PUDP: variants seen among roughly 807,000 people sequenced by gnomAD.
PUDP encodes the protein pseudouridine-5'-phosphatase.
A neutral mutation model predicts 9.4 loss-of-function variants in PUDP; 8 were observed. The observed-to-expected ratio is 0.85, with a 90% confidence interval of 0.50 to 1.53. The LOEUF is 1.53. Ranked by LOEUF, PUDP falls within the 40% of genes most tolerant of loss-of-function variation. PUDP has a pLI of 0.00. For missense variants in PUDP, 188 were observed against 189.7 expected (o/e 0.99, Z 0.05); for synonymous variants, 99 against 80.7 (o/e 1.23, Z -1.22).
intron 3 of PUDP, among the ~76,000 whole-genome samples, chrX:6,973,159 C>T (rs865997580): frequency 8.9e-6 from 1 of 111,756 alleles, no homozygotes; most frequent in South Asian, 3.7e-4. Context: ...AAAAAACAAG[C>T]TCCTGGATTC....
chrX:7,116,435 G>A (rs780058174), intron 1 of PUDP, among the ~76,000 whole-genome samples: 2 of 111,650 alleles, frequency 1.8e-5, no homozygotes, highest in Non-Finnish European at 3.8e-5. Flanking sequence ...CCTGCCTCCT[G>A]GTTTCTTCCC....
At chrX:7,021,252 T>G (rs887666474) in intron 1 of PUDP, among the ~76,000 whole-genome samples, 22 of 112,263 alleles carry the variant, frequency 2.0e-4, no homozygotes, top group Non-Finnish European at 3.9e-4. Flanking sequence ...GGAAAGTTAT[T>G]TTTGCTTTGG....
At chrX:6,950,539 T>G (rs1426656146) in intron 3 of PUDP, among the ~76,000 whole-genome samples, 1 of 99,474 alleles carries the variant, frequency 1.0e-5, no homozygotes, top group East Asian at 3.3e-4. Context: ...GCCTCCAGAG[T>G]AGCTGGGACT....
chrX:6,803,188 C>T (rs768285308), intron 3 of PUDP, among the ~76,000 whole-genome samples: 1 of 110,790 alleles, frequency 9.0e-6, no homozygotes, highest in Non-Finnish European at 1.9e-5. Context: ...TCAGAGGCCA[C>T]GACGAGACCC....
chrX:6,784,076 C>T (rs1355548440), intron 3 of PUDP, among the ~76,000 whole-genome samples: 2 of 111,520 alleles, frequency 1.8e-5, no homozygotes, highest in African/African-American at 3.3e-5. Context: ...CTTCTGGAAG[C>T]GCAGACACAC....
intron 3 of PUDP, among the ~76,000 whole-genome samples, chrX:6,971,853 A>G (rs1349777788): frequency 8.9e-6 from 1 of 111,856 alleles, no homozygotes; most frequent in African/African-American, 3.3e-5. Context: ...ATGAGCATGG[A>G]ATGTTTTTCC....
intron 2 of PUDP, chrX:7,085,522 C>T (rs754850060): frequency 8.9e-6 from 1 of 111,940 alleles, no homozygotes; most frequent in African/African-American, 3.2e-5. Flanking sequence ...CAAACAGGCA[C>T]CTGGGATTCC....
At chrX:7,105,904 C>T (rs1181301252) in intron 1 of PUDP, 66 bp from the exon 2 acceptor site, 37 of 745,134 alleles carry the variant, frequency 5.0e-5, no homozygotes, top group Non-Finnish European at 6.7e-5. Context: ...GTATCAGGTC[C>T]GCATAAACAT....
chrX:6,961,827 G>A (rs1393187499), intron 3 of PUDP, among the ~76,000 whole-genome samples: 1 of 111,699 alleles, frequency 9.0e-6, no homozygotes, highest in African/African-American at 3.3e-5. Flanking sequence ...CCATATCCGT[G>A]CATGGTCTTT....
At chrX:7,004,029 C>T (rs1479033860) in intron 1 of PUDP, among the ~76,000 whole-genome samples, 2 of 110,379 alleles carry the variant, frequency 1.8e-5, no homozygotes, top group South Asian at 3.9e-4. Context: ...GCACACACCA[C>T]CACGCACGCT....
chrX:7,019,555 A>C (rs1425376104), intron 1 of PUDP, among the ~76,000 whole-genome samples: 2 of 111,665 alleles, frequency 1.8e-5, no homozygotes, highest in Non-Finnish European at 3.8e-5. Context: ...AAGGTCTGAA[A>C]GAAACATTTG....
intron 1 of PUDP, among the ~76,000 whole-genome samples, chrX:6,981,644 G>A (rs1929034415): frequency 9.0e-6 from 1 of 111,296 alleles, no homozygotes; most frequent in African/African-American, 3.3e-5. Context: ...TGTTTTAAGG[G>A]AAAAGTAACC....
intron 3 of PUDP, among the ~76,000 whole-genome samples, chrX:6,738,386 T>A (rs1730256337): frequency 9.0e-6 from 1 of 111,556 alleles, no homozygotes; most frequent in Non-Finnish European, 1.9e-5. Context: ...TCTAGATGAG[T>A]AGTTCCCAAC....
At chrX:6,975,120 T>A (rs1347027440) in intron 3 of PUDP, among the ~76,000 whole-genome samples, 1 of 110,413 alleles carries the variant, frequency 9.1e-6, no homozygotes, top group African/African-American at 3.3e-5. Context: ...TTTAACCTTT[T>A]TTCAAGGTTC....
Position 7,049,014 on chromosome X carries a change from A to G in PUDP, c.*1282T>C. ...TAAGAGGAGCATTAAAAGTGCAGACATATATTCAGGCCATCAAGAATGAGG... is the reference window on the plus strand; with the variant it reads ...TAAGAGGAGCATTAAAAGTGCAGACGTATATTCAGGCCATCAAGAATGAGG... On this transcript the variant is annotated 3_prime_UTR_variant, in exon 4 of 4. Coordinates refer to ENST00000381077, the MANE Select transcript of PUDP (RefSeq NM_012080.5). The G allele has an allele frequency of 8.9e-6, 1 of 112,421 alleles. No homozygotes were observed. Among genetic ancestry groups the G allele is most frequent in the Non-Finnish European group, 1.9e-5 (1 of 53,305 alleles). 9.3% of individuals were successfully genotyped at this position (112,421 alleles called of 1,213,427 possible).
At chrX:6,782,988 C>T (rs1458631594) in intron 3 of PUDP, among the ~76,000 whole-genome samples, 1 of 111,270 alleles carries the variant, frequency 9.0e-6, no homozygotes, top group Non-Finnish European at 1.9e-5. Context: ...CGCAGCAAAC[C>T]GGAGCGGCTC....
chrX:6,782,722 T>C (rs775487763), intron 3 of PUDP, among the ~76,000 whole-genome samples: 1 of 112,364 alleles, frequency 8.9e-6, no homozygotes, highest in South Asian at 3.7e-4. Flanking sequence ...TGTCAGTCAC[T>C]TAGACATCTT....
In PUDP at chrX:6,866,523, C is replaced by CA. The variant is rs762504063; in HGVS notation, c.*247+110609dup. ...GAACTGGGGAAGCTGCGCCCTGTAA[C>CA]AAGTGAGCGCATGTTGGCCTGCCAG... On this transcript the variant is annotated intron_variant and NMD_transcript_variant, in intron 3 of 3. Transcript: ENST00000655425. 3.3e-3 allele frequency among the ~76,000 whole-genome samples: 364 copies of CA among 111,294 alleles called. 2 individuals are homozygous for CA. The highest frequency in any genetic ancestry group is 5.4e-3 in the Non-Finnish European group (286 of 53,032).
intron 1 of PUDP, among the ~76,000 whole-genome samples, chrX:6,719,946 A>C: frequency 9.1e-6 from 1 of 110,126 alleles, no homozygotes; most frequent in Non-Finnish European, 1.9e-5. Context: ...TGATCCAGCA[A>C]TCCCACTTTT....
Sources: allele counts gnomAD v4.1 joint callset (sites outside exome capture counted in the v4.1 genomes callset), GRCh38; gene constraint gnomAD v4.1.1; transcripts MANE v1.5; gene names NCBI Gene and HGNC (gene_info 2026-07-23, HGNC 2026-07-21).